CCDC73: variants seen among roughly 807,000 people sequenced by gnomAD.
The protein encoded by CCDC73 is coiled-coil domain-containing protein 73.
CCDC73 carries 95 observed loss-of-function variants against 116.5 expected under a neutral mutation model. The ratio of observed to expected loss-of-function variants is 0.82; its 90% CI spans 0.69 to 0.97. The LOEUF (loss-of-function observed/expected upper bound fraction) is 0.97, where lower values mean the gene tolerates loss of function less well. Among genes scored for constraint, CCDC73 ranks in the 50% least tolerant of loss-of-function variants. CCDC73 has a pLI of 0.00. For synonymous variants in CCDC73, 398 were observed against 401.3 expected, an observed-to-expected ratio of 0.99 and a Z score of 0.10; for missense variants, 1,066 against 1,206.8, an observed-to-expected ratio of 0.88 and a Z score of 1.73.
intron 2 of CCDC73, among the ~76,000 whole-genome samples, chr11:32,728,122 C>T (rs1324707648): frequency 6.6e-6 from 1 of 151,854 alleles, no homozygotes; most frequent in Non-Finnish European, 1.5e-5. Context: ...CATGATGGTG[C>T]CACCTGTGGT....
At chr11:32,768,797 A>T (rs1371117346) in intron 1 of CCDC73, among the ~76,000 whole-genome samples, 1 of 152,198 alleles carries the variant, frequency 6.6e-6, no homozygotes, top group Admixed American at 6.5e-5. Flanking sequence ...GTGAGCCTTG[A>T]TCGTGCCACT....
chr11:32,662,636 T>C (rs1855941710), intron 9 of CCDC73, among the ~76,000 whole-genome samples: 1 of 152,112 alleles, frequency 6.6e-6, no homozygotes, highest in Non-Finnish European at 1.5e-5. Flanking sequence ...ATTCTGTAGG[T>C]TGCCTGTTCA....
At chr11:32,708,036 A>G (rs1849870194) in intron 3 of CCDC73, among the ~76,000 whole-genome samples, 1 of 152,198 alleles carries the variant, frequency 6.6e-6, no homozygotes, top group African/African-American at 2.4e-5. Flanking sequence ...GTATGGCTTC[A>G]GGTCTTAGAT....
At position 32,629,937 on chromosome 11, in the gene CCDC73, A is replaced by C. The variant is rs1855616005; in HGVS notation, c.1185+5759T>G. On this transcript the variant is annotated intron_variant, in intron 14 of 17. Coordinates refer to ENST00000335185, the MANE Select transcript of CCDC73 (RefSeq NM_001008391.4). ...GCAGATATGCAAAAAAAAAAAAACAAAAAAAAAACGTTAAAAGGAAGTTCT... is the reference window on the plus strand; with the variant it reads ...GCAGATATGCAAAAAAAAAAAAACACAAAAAAAACGTTAAAAGGAAGTTCT... 4.0e-5 allele frequency among the ~76,000 whole-genome samples: 6 copies of C among 150,310 alleles called. No homozygotes were observed. In the South Asian group the frequency reaches 1.2e-3, roughly 31 times the overall value.
chr11:32,644,019 T>C, intron 12 of CCDC73, among the ~76,000 whole-genome samples: 1 of 152,122 alleles, frequency 6.6e-6, no homozygotes, highest in Non-Finnish European at 1.5e-5. Flanking sequence ...TTTTTAAATT[T>C]TTTGGTCAAA....
chr11:32,704,381 C>T (rs1258994289), intron 3 of CCDC73, among the ~76,000 whole-genome samples: 22 of 152,234 alleles, frequency 1.4e-4, no homozygotes, highest in Admixed American at 1.4e-3. Flanking sequence ...AATGTCGCAA[C>T]CAGGACAAGT....
the CCDC73 span, among the ~76,000 whole-genome samples, chr11:32,819,196 G>A: frequency 6.7e-6 from 1 of 149,980 alleles, no homozygotes; most frequent in Non-Finnish European, 1.5e-5. Flanking sequence ...TATTTAATAT[G>A]GTCTTAAATG....
At position 32,675,906 on chromosome 11, in the gene CCDC73, T is replaced by C. The variant is rs768708320; in HGVS notation, c.545A>G (p.His182Arg). ...CATACCATTTTGTTCTAACTTTTCATGATTCTCTTTTACCAATCCAAATTG... is the reference window on the plus strand; with the variant it reads ...CATACCATTTTGTTCTAACTTTTCACGATTCTCTTTTACCAATCCAAATTG... ...TGQFGLVKEN[H>R]EKLEQNVREA... The change falls in exon 8 of 18, where the codon CAT becomes CGT. Residue 182 changes from histidine to arginine, a missense_variant. Physicochemically the swap from His to Arg is conservative, Grantham distance 29 (BLOSUM62 0). Transcript: ENST00000335185. 5.0e-6 allele frequency: 8 copies of C among 1,601,998 alleles called. No individual in the cohort carries two copies. The highest frequency in any genetic ancestry group is 6.0e-6 in the Non-Finnish European group (7 of 1,175,824).
chr11:32,804,293 A>G, the CCDC73 span, among the ~76,000 whole-genome samples: 1 of 152,032 alleles, frequency 6.6e-6, no homozygotes, highest in Admixed American at 6.6e-5. Context: ...CGCACACCAC[A>G]ACGCTCCGCT....
In CCDC73 at chr11:32,614,872, A is replaced by ACTTTGATTT; in HGVS notation, c.1437_1445dup (p.Gln481_Ser482insArgAsnGln). The ACTTTGATTT allele has an allele frequency of 6.2e-7, 1 of 1,612,100 alleles. No homozygotes were observed. Among genetic ancestry groups the ACTTTGATTT allele is most frequent in the African/African-American group, 1.3e-5 (1 of 74,956 alleles). On this transcript the variant is annotated inframe_insertion, in exon 16 of 18. Transcript: ENST00000335185. Reference sequence around the variant, plus strand: ...AGAGGGTTTTGCTTAAGGAGATTTCACTTTGATTTTCATCCTGAGAAACAA... The same window carrying ACTTTGATTT: ...AGAGGGTTTTGCTTAAGGAGATTTCACTTTGATTTCTTTGATTTTCATCCTGAGAAACAA...
At chr11:32,764,042 G>A (rs566026827) in intron 1 of CCDC73, among the ~76,000 whole-genome samples, 79 of 152,280 alleles carry the variant, frequency 5.2e-4, no homozygotes, top group Non-Finnish European at 8.1e-4. Flanking sequence ...ATGAAACAAA[G>A]CGAGAAGAGA....
At chr11:32,771,213 C>G (rs1850490056) in intron 1 of CCDC73, among the ~76,000 whole-genome samples, 1 of 152,110 alleles carries the variant, frequency 6.6e-6, no homozygotes, top group Admixed American at 6.6e-5. Flanking sequence ...AATGAAGAGG[C>G]CTTTGGATCA....
At chr11:32,797,039 C>G (rs1033712740), upstream of CCDC73, among the ~76,000 whole-genome samples, 1 of 126,104 alleles carries the variant, frequency 7.9e-6, no homozygotes, top group African/African-American at 2.9e-5. Flanking sequence ...AAAAAAGTAA[C>G]AACTTAAAAA....
chr11:32,662,946 T>A (rs12364451), intron 9 of CCDC73, among the ~76,000 whole-genome samples: 43,104 of 152,034 alleles, frequency 0.28, 6,340 homozygotes, highest in South Asian at 0.35. Flanking sequence ...GAATAGGGAA[T>A]CCTTTCCCCA....
chr11:32,709,081 A>G (rs1849877938), intron 3 of CCDC73, among the ~76,000 whole-genome samples: 1 of 152,176 alleles, frequency 6.6e-6, no homozygotes, highest in Non-Finnish European at 1.5e-5. Context: ...TGTCCCTTCT[A>G]TGATGATTTT....
rs1481266870 is a variant in CCDC73 at position 32,619,521 on chromosome 11, A to C, written c.1186-3392T>G. 2.6e-5 allele frequency among the ~76,000 whole-genome samples: 4 copies of C among 152,216 alleles called. No individual in the cohort carries two copies. In the East Asian group the frequency reaches 5.8e-4, roughly 22 times the overall value. ...CCCCATCTCTATGAAATATTTTTAA[A>C]AATTAGCTGGGTGCGGTGGCACACA... On this transcript the variant is annotated intron_variant, in intron 14 of 17. Coordinates refer to ENST00000335185, the MANE Select transcript of CCDC73 (RefSeq NM_001008391.4).
upstream of CCDC73, among the ~76,000 whole-genome samples, chr11:32,797,293 CAGAG>C (rs1850734182): frequency 6.6e-6 from 1 of 152,156 alleles, no homozygotes; most frequent in Non-Finnish European, 1.5e-5. Flanking sequence ...GCCAGGGTGA[CAGAG>C]AGAGACCTTG....
At chr11:32,672,446 G>A (rs1856048433) in intron 9 of CCDC73, among the ~76,000 whole-genome samples, 1 of 152,082 alleles carries the variant, frequency 6.6e-6, no homozygotes, top group South Asian at 2.1e-4. Flanking sequence ...TCATAAGAAT[G>A]CATAAACTAA....
At chr11:32,636,876 A>C (rs796119072) in intron 13 of CCDC73, among the ~76,000 whole-genome samples, 3 of 151,684 alleles carry the variant, frequency 2.0e-5, no homozygotes, top group African/African-American at 7.3e-5. Context: ...AATTCTAGGA[A>C]TTTTCTCTTT....
Sources: allele counts gnomAD v4.1 joint callset (sites outside exome capture counted in the v4.1 genomes callset), GRCh38; gene constraint gnomAD v4.1.1; transcripts MANE v1.5; gene names NCBI Gene and HGNC (gene_info 2026-07-23, HGNC 2026-07-21).